RORB: variants seen among roughly 807,000 people sequenced by gnomAD.
RORB encodes RAR related orphan receptor B, also known as nuclear receptor ROR-beta.
RORB carries 6 observed loss-of-function variants against 59.1 expected under a neutral mutation model. The ratio of observed to expected loss-of-function variants is 0.10; its 90% CI spans 0.06 to 0.20. The LOEUF (loss-of-function observed/expected upper bound fraction) is 0.20. RORB is among the 10% of genes least tolerant of loss of function. The pLI is 1.00. For missense variants in RORB, 320 were observed against 560.5 expected, an observed-to-expected ratio of 0.57 and a Z score of 4.33; for synonymous variants, 215 against 204.5, an observed-to-expected ratio of 1.05 and a Z score of -0.44.
In RORB at chr9:74,630,368, G is replaced by T; in HGVS notation, c.93+1G>T. The T allele has an allele frequency of 6.2e-7, 1 of 1,610,016 alleles. No individual in the cohort carries two copies. Among genetic ancestry groups the T allele is most frequent in the Non-Finnish European group, 8.5e-7 (1 of 1,177,418 alleles). ...AGTCATCACATGTGAAGGCTGCAAGGTATGGGACTTTCATACAGCACGGTT... is the reference window on the plus strand; with the variant it reads ...AGTCATCACATGTGAAGGCTGCAAGTTATGGGACTTTCATACAGCACGGTT... On this transcript the variant is annotated splice_donor_variant, in intron 2 of 9. Coordinates refer to ENST00000376896, the MANE Select transcript of RORB (RefSeq NM_006914.4). LOFTEE classifies it high-confidence loss of function.
At chr9:74,598,362 A>G (rs1364551378) in intron 1 of RORB, among the ~76,000 whole-genome samples, 1 of 152,150 alleles carries the variant, frequency 6.6e-6, no homozygotes, top group Non-Finnish European at 1.5e-5. Flanking sequence ...GAAGATCCTA[A>G]CAGCCCACTC....
chr9:74,552,676 C>T (rs1826630825), intron 1 of RORB, among the ~76,000 whole-genome samples: 2 of 151,988 alleles, frequency 1.3e-5, no homozygotes, highest in South Asian at 2.1e-4. Flanking sequence ...TATTTATTCA[C>T]TCATTCATTC....
In RORB at chr9:74,642,658, C is replaced by G. The variant is rs189210068; in HGVS notation, c.480C>G (p.Ser160=). The G allele has an allele frequency of 6.2e-7, 1 of 1,614,080 alleles. No individual in the cohort carries two copies. The highest frequency in any genetic ancestry group is 2.2e-5 in the East Asian group (1 of 44,886). ...PKSEGYYNVD[S]GQPSPDQSGL... ...CTGAGGGTTATTACAACGTCGATTC[C>G]GGTCAGCCGTCCCCTGATCAGTCAG... is the stretch of plus-strand genomic sequence containing the variant. Residue 160 remains serine, a synonymous_variant, in exon 4 of 10, where the codon TCC becomes TCG. Coordinates refer to ENST00000376896, the MANE Select transcript of RORB (RefSeq NM_006914.4).
chr9:74,529,576 A>G (rs1826205260), intron 1 of RORB, among the ~76,000 whole-genome samples: 1 of 151,714 alleles, frequency 6.6e-6, no homozygotes, highest in Non-Finnish European at 1.5e-5. Flanking sequence ...AAAATATACT[A>G]TTAATAAATA....
intron 3 of RORB, among the ~76,000 whole-genome samples, chr9:74,635,100 C>G (rs1823679564): frequency 6.6e-6 from 1 of 152,138 alleles, no homozygotes. Flanking sequence ...ATGAGACTTT[C>G]AGAGATAATA....
At chr9:74,658,526 A>G (rs1824127996) in intron 4 of RORB, among the ~76,000 whole-genome samples, 1 of 152,216 alleles carries the variant, frequency 6.6e-6, no homozygotes. Flanking sequence ...TCACAATACA[A>G]TTGTGAGTGG....
intron 1 of RORB, among the ~76,000 whole-genome samples, chr9:74,593,494 A>G (rs1292785431): frequency 6.6e-6 from 1 of 151,476 alleles, no homozygotes; most frequent in African/African-American, 2.4e-5. Context: ...ACAAAAGAGG[A>G]AGAAGAACTT....
At chr9:74,634,566 A>T in intron 2 of RORB, 65 bp from the exon 3 acceptor site, 1 of 1,406,468 alleles carries the variant, frequency 7.1e-7, no homozygotes, top group Non-Finnish European at 9.5e-7. Flanking sequence ...GCAAATGTAT[A>T]CATTAATGTT....
At chr9:74,503,447 A>T (rs1825828440) in intron 1 of RORB, among the ~76,000 whole-genome samples, 1 of 152,180 alleles carries the variant, frequency 6.6e-6, no homozygotes, top group East Asian at 1.9e-4. Flanking sequence ...TTGCTTTCAC[A>T]ATCCAGACTT....
At chr9:74,680,284 C>T (rs1824526255) in intron 9 of RORB, among the ~76,000 whole-genome samples, 1 of 152,248 alleles carries the variant, frequency 6.6e-6, no homozygotes, top group Non-Finnish European at 1.5e-5. Flanking sequence ...GGAAGCCTTC[C>T]GAATTCTTCA....
intron 1 of RORB, among the ~76,000 whole-genome samples, chr9:74,582,827 T>C (rs867594908): frequency 6.6e-6 from 1 of 152,162 alleles, no homozygotes; most frequent in Admixed American, 6.5e-5. Context: ...AGATCCTGTA[T>C]GCATGAGATA....
At chr9:74,665,368 GTC>G (rs1265171966) in intron 6 of RORB, 118 bp from the exon 7 acceptor site, 8 of 500,944 alleles carry the variant, frequency 1.6e-5, no homozygotes, top group Middle Eastern at 5.2e-4. Context: ...GTGTGTATGT[GTC>G]TCTCTGTGTG....
At chr9:74,500,179 C>T (rs1199890963) in intron 1 of RORB, among the ~76,000 whole-genome samples, 1 of 152,160 alleles carries the variant, frequency 6.6e-6, no homozygotes, top group East Asian at 1.9e-4. Context: ...TGAGGCAGCT[C>T]TCAGGCGGCC....
At chr9:74,601,684 G>A (rs1314186104) in intron 1 of RORB, among the ~76,000 whole-genome samples, 1 of 152,110 alleles carries the variant, frequency 6.6e-6, no homozygotes, top group South Asian at 2.1e-4. Flanking sequence ...GTGGGACATT[G>A]CTAGAAATCC....
At chr9:74,629,887 G>A (rs1393343290) in intron 1 of RORB, among the ~76,000 whole-genome samples, 48 of 152,240 alleles carry the variant, frequency 3.2e-4, no homozygotes, top group Non-Finnish European at 1.8e-4. Flanking sequence ...TATCACTGAG[G>A]TAAGGCCATG....
chr9:74,686,361 C>T lies in RORB; in HGVS notation c.*743C>T, dbSNP rs1417987216. 6.6e-6 allele frequency: 1 copy of T among 152,602 alleles called. No homozygotes were observed. Among genetic ancestry groups the T allele is most frequent in the African/African-American group, 2.4e-5 (1 of 41,442 alleles). 9.5% of individuals were successfully genotyped at this position (152,602 alleles called of 1,614,324 possible). On this transcript the variant is annotated 3_prime_UTR_variant, in exon 10 of 10. Coordinates refer to ENST00000376896, the MANE Select transcript of RORB (RefSeq NM_006914.4). ...ATAATGTGTGGCCTCTATATACAAA[C>T]TCTATTTCTGTCAATGACATCAAAG...
At chr9:74,569,906 A>G (rs184245894) in intron 1 of RORB, among the ~76,000 whole-genome samples, 1 of 152,144 alleles carries the variant, frequency 6.6e-6, no homozygotes, top group East Asian at 1.9e-4. Flanking sequence ...TGAAATTTTT[A>G]TTCGATTTTT....
At chr9:74,595,748 A>G (rs532961596) in intron 1 of RORB, among the ~76,000 whole-genome samples, 2 of 152,302 alleles carry the variant, frequency 1.3e-5, no homozygotes, top group East Asian at 3.9e-4. Flanking sequence ...AAGATTTACA[A>G]CTAAATACAA....
chr9:74,598,925 A>C (rs1255425278), intron 1 of RORB, among the ~76,000 whole-genome samples: 2 of 152,186 alleles, frequency 1.3e-5, no homozygotes, highest in African/African-American at 4.8e-5. Context: ...GAGAGGACCA[A>C]ACCAGAAGAG....
Sources: gnomAD v4.1 joint callset for allele counts (sites outside exome capture counted in the v4.1 genomes callset) on GRCh38, gnomAD v4.1.1 for gene constraint, MANE v1.5 for transcripts, NCBI Gene and HGNC (gene_info 2026-07-23, HGNC 2026-07-21) for gene names.